The following SH3RF3 variants were observed in gnomAD, a reference collection of about 807,000 sequenced individuals.
SH3RF3 encodes E3 ubiquitin-protein ligase SH3RF3.
Under a neutral mutation model 66.3 loss-of-function variants are expected in SH3RF3, and 29 were observed. That is an observed-to-expected ratio of 0.44 (90% CI 0.33 to 0.60). The LOEUF is 0.60. Among genes scored for constraint, SH3RF3 ranks in the 20% least tolerant of loss-of-function variants. The pLI is 0.04. For missense variants in SH3RF3, 1,194 were observed against 1,190.9 expected (o/e 1.00, Z -0.04); for synonymous variants, 583 against 532.0 (o/e 1.10, Z -1.32).
In SH3RF3 at chr2:109,354,940, T is replaced by C. The variant is rs1574593523; in HGVS notation, c.849+6991T>C. 2.6e-5 allele frequency among the ~76,000 whole-genome samples: 4 copies of C among 152,368 alleles called. No individual in the cohort carries two copies. The South Asian group carries it at 6.2e-4, about 24-fold the overall frequency. On this transcript the variant is annotated intron_variant, in intron 2 of 9. Coordinates refer to ENST00000309415, the MANE Select transcript of SH3RF3 (RefSeq NM_001099289.3). ...ACGAAGCTTAGGAAGAAAGGTGATA[T>C]AGTTTTTTAGTAACCACTTTATGTT...
chr2:109,347,023 G>A (rs1682725888), intron 1 of SH3RF3, among the ~76,000 whole-genome samples: 2 of 152,164 alleles, frequency 1.3e-5, no homozygotes, highest in South Asian at 4.1e-4. Flanking sequence ...ATCCTCGTGT[G>A]TGTACCGCTG....
intron 1 of SH3RF3, among the ~76,000 whole-genome samples, chr2:109,167,309 A>G (rs1180592059): frequency 6.6e-6 from 1 of 152,206 alleles, no homozygotes; most frequent in African/African-American, 2.4e-5. Context: ...GGTAGAACCA[A>G]TTAGAACAAG....
chr2:109,207,462 A>G (rs575895527), intron 1 of SH3RF3, among the ~76,000 whole-genome samples: 53 of 152,328 alleles, frequency 3.5e-4, no homozygotes, highest in African/African-American at 1.3e-3. Flanking sequence ...GTAGGTAATT[A>G]TATATGTAAT....
chr2:109,237,354 ATGT>A (rs1389665699), intron 1 of SH3RF3, among the ~76,000 whole-genome samples: 2 of 152,198 alleles, frequency 1.3e-5, no homozygotes, highest in Admixed American at 6.5e-5. Flanking sequence ...TTGAAAAAAA[ATGT>A]TGTTTCTCAG....
At chr2:109,490,515 C>A in intron 8 of SH3RF3, 90 bp from the exon 9 acceptor site, 1 of 1,069,572 alleles carries the variant, frequency 9.3e-7, no homozygotes, top group Non-Finnish European at 1.2e-6. Context: ...AAATAAAGTT[C>A]CACATAGGAA....
chr2:109,496,054 G>C lies in SH3RF3; in HGVS notation c.2480+5118G>C, dbSNP rs148284121. On this transcript the variant is annotated intron_variant, in intron 9 of 9. Coordinates refer to ENST00000309415, the MANE Select transcript of SH3RF3 (RefSeq NM_001099289.3). ...GCTTCCACATGGAAGGGGACCCACCGGGTTGCCCTGGGGTGGCCAGCTTTT... is the reference window on the plus strand; with the variant it reads ...GCTTCCACATGGAAGGGGACCCACCCGGTTGCCCTGGGGTGGCCAGCTTTT... Among the ~76,000 whole-genome samples, 669 of 152,288 alleles carry C rather than the reference G, an allele frequency of 4.4e-3. 5 individuals are homozygous for C. The highest frequency in any genetic ancestry group is 0.015 in the African/African-American group (629 of 41,552).
chr2:109,155,914 T>C (rs1162014521), intron 1 of SH3RF3, among the ~76,000 whole-genome samples: 2 of 152,250 alleles, frequency 1.3e-5, no homozygotes, highest in Non-Finnish European at 2.9e-5. Flanking sequence ...TAACAAGTGC[T>C]GTATTGGATC....
In SH3RF3 at chr2:109,129,782, G is replaced by T; in HGVS notation, c.242G>T (p.Cys81Phe). 1.3e-6 allele frequency: 2 copies of T among 1,539,334 alleles called. No homozygotes were observed. The highest frequency in any genetic ancestry group is 1.7e-6 in the Non-Finnish European group (2 of 1,145,412). ...TGCCAACACACTTTCTGCCGCCGCTGCCTGGAGAGCATCGTGTGCTCGCGC... is the reference window on the plus strand; with the variant it reads ...TGCCAACACACTTTCTGCCGCCGCTTCCTGGAGAGCATCGTGTGCTCGCGC... Reference protein sequence around the residue: ...LPCQHTFCRRCLESIVCSRHE... With the variant: ...LPCQHTFCRRFLESIVCSRHE... Residue 81 changes from cysteine to phenylalanine, a missense_variant, in exon 1 of 10, where the codon TGC becomes TTC. Physicochemically the swap from Cys to Phe is radical, Grantham distance 205. Coordinates refer to ENST00000309415, the MANE Select transcript of SH3RF3 (RefSeq NM_001099289.3).
intron 1 of SH3RF3, among the ~76,000 whole-genome samples, chr2:109,309,087 T>A (rs1243519304): frequency 8.1e-6 from 1 of 123,448 alleles, no homozygotes; most frequent in Non-Finnish European, 1.6e-5. Context: ...GTTTGTATCC[T>A]CTTTTATTTC....
chr2:109,275,227 C>G (rs1366533663), intron 1 of SH3RF3, among the ~76,000 whole-genome samples: 1 of 152,212 alleles, frequency 6.6e-6, no homozygotes, highest in Non-Finnish European at 1.5e-5. Context: ...TGAGGCCCCG[C>G]AGAGGCTGCC....
intron 5 of SH3RF3, among the ~76,000 whole-genome samples, chr2:109,427,925 G>A (rs1004568144): frequency 6.6e-6 from 1 of 152,218 alleles, no homozygotes; most frequent in East Asian, 1.9e-4. Flanking sequence ...GCTCGCGCAC[G>A]CTCCTCTGAG....
chr2:109,188,673 G>C (rs1678260722), intron 1 of SH3RF3, among the ~76,000 whole-genome samples: 1 of 152,188 alleles, frequency 6.6e-6, no homozygotes. Context: ...CAAAGCGCTT[G>C]GGTTTGCTCC....
chr2:109,432,370 G>A, intron 5 of SH3RF3, 131 bp from the exon 6 acceptor site: 1 of 1,163,626 alleles, frequency 8.6e-7, no homozygotes, highest in South Asian at 1.5e-5. Context: ...GTAAACTGCA[G>A]AGCCCCCATA....
In SH3RF3 at chr2:109,502,890, T is replaced by A. The variant is rs1191988673; in HGVS notation, c.*1219T>A. The A allele has an allele frequency of 2.6e-5, 4 of 152,344 alleles. No individual in the cohort carries two copies. Among genetic ancestry groups the A allele is most frequent in the Middle Eastern group, 3.4e-3 (1 of 294 alleles). The allele number at this position is 152,344 out of a possible 1,614,324, so 9.4% of individuals were successfully genotyped here. ...CACCACCACCATTTTTCTTCTTTTT[T>A]AAAAATAAATAACTGCTCCCATTTC... On this transcript the variant is annotated 3_prime_UTR_variant, in exon 10 of 10. Transcript: ENST00000309415.
intron 1 of SH3RF3, among the ~76,000 whole-genome samples, chr2:109,134,943 G>A (rs1676783947): frequency 6.6e-6 from 1 of 152,220 alleles, no homozygotes; most frequent in Non-Finnish European, 1.5e-5. Context: ...TAAGTGACAT[G>A]AACAGGACAT....
intron 1 of SH3RF3, among the ~76,000 whole-genome samples, chr2:109,161,248 G>C (rs1428035552): frequency 1.3e-5 from 2 of 152,184 alleles, no homozygotes; most frequent in Admixed American, 6.5e-5. Flanking sequence ...TCAGGCACGA[G>C]TATGCAGTGA....
Position 109,273,083 on chromosome 2 carries a change from A to T in SH3RF3, c.574-74591A>T, listed in dbSNP as rs1038200604. Among the ~76,000 whole-genome samples the T allele has an allele frequency of 4.6e-5, 7 of 152,370 alleles. No individual in the cohort carries two copies. In the East Asian group the frequency reaches 1.3e-3, roughly 29 times the overall value. Reference sequence around the variant, plus strand: ...GTCAAATAGAAGTTGTTTACTGAGTATTTCGGGTTGAAGAGATACTGGTTC... The same window carrying T: ...GTCAAATAGAAGTTGTTTACTGAGTTTTTCGGGTTGAAGAGATACTGGTTC... On this transcript the variant is annotated intron_variant, in intron 1 of 9. Transcript: ENST00000309415.
chr2:109,355,060 C>G (rs1215321642), intron 2 of SH3RF3, among the ~76,000 whole-genome samples: 2 of 152,206 alleles, frequency 1.3e-5, no homozygotes, highest in Non-Finnish European at 2.9e-5. Context: ...TAGGACCACC[C>G]TGAGACCACC....
At chr2:109,211,523 T>C (rs1202450556) in intron 1 of SH3RF3, among the ~76,000 whole-genome samples, 1 of 152,108 alleles carries the variant, frequency 6.6e-6, no homozygotes, top group Non-Finnish European at 1.5e-5. Context: ...AGGTATCCAG[T>C]AGGAGCGGAT....
Sources: gnomAD v4.1 joint callset for allele counts (sites outside exome capture counted in the v4.1 genomes callset) on GRCh38, gnomAD v4.1.1 for gene constraint, MANE v1.5 for transcripts, NCBI Gene and HGNC (gene_info 2026-07-23, HGNC 2026-07-21) for gene names.